Variants in STRBP observed in about 807,000 individuals in gnomAD.
STRBP encodes spermatid perinuclear RNA binding protein.
A neutral mutation model predicts 80.1 loss-of-function variants in STRBP; 13 were observed. The observed-to-expected ratio is 0.16, with a 90% CI of 0.11 to 0.26. The LOEUF is 0.26. Ranked by LOEUF, STRBP falls within the 10% of genes least tolerant of loss-of-function variation. STRBP has a pLI of 1.00. For missense variants in STRBP, 485 were observed against 815.2 expected (o/e 0.59, Z 4.93); for synonymous variants, 284 against 291.2 (o/e 0.98, Z 0.25).
chr9:123,237,687 G>A (rs912032494), intron 1 of STRBP, among the ~76,000 whole-genome samples: 2 of 151,962 alleles, frequency 1.3e-5, no homozygotes, highest in South Asian at 2.1e-4. Context: ...ACTACTGTGC[G>A]CTGAATTCTG....
At chr9:123,266,244 C>T (rs556967982) in intron 1 of STRBP, among the ~76,000 whole-genome samples, 7 of 152,268 alleles carry the variant, frequency 4.6e-5, no homozygotes, top group Admixed American at 1.3e-4. Flanking sequence ...ATGATACCCA[C>T]TACACACCTC....
At chr9:123,263,926 T>C (rs1306593247) in intron 1 of STRBP, among the ~76,000 whole-genome samples, 1 of 152,250 alleles carries the variant, frequency 6.6e-6, no homozygotes, top group African/African-American at 2.4e-5. Flanking sequence ...ACGCCTGTAA[T>C]CCCAGCACTT....
intron 2 of STRBP, among the ~76,000 whole-genome samples, chr9:123,219,406 T>C (rs535609599): frequency 2.0e-5 from 3 of 152,316 alleles, no homozygotes; most frequent in African/African-American, 7.2e-5. Context: ...CAGCCAATTG[T>C]AAAATTCTCT....
In STRBP at chr9:123,123,786, A is replaced by G; in HGVS notation, c.*1811T>C. On this transcript the variant is annotated 3_prime_UTR_variant, in exon 19 of 19. Coordinates refer to ENST00000348403, the MANE Select transcript of STRBP (RefSeq NM_018387.5). ...CCAAAGACAATGAGGACTACTGTAA[A>G]GATTTAATTAATAAAAACTGGACAC... 2.0e-6 allele frequency: 2 copies of G among 985,442 alleles called. No individual in the cohort carries two copies. The highest frequency in any genetic ancestry group is 2.4e-6 in the Non-Finnish European group (2 of 829,936). The allele number at this position is 985,442 out of a possible 1,614,324, so 61.0% of individuals were successfully genotyped here.
intron 2 of STRBP, among the ~76,000 whole-genome samples, chr9:123,186,234 G>A (rs996227455): frequency 6.6e-6 from 1 of 152,126 alleles, no homozygotes; most frequent in African/African-American, 2.4e-5. Flanking sequence ...TGTAGTCCCA[G>A]CTGCTCAGGA....
intron 2 of STRBP, among the ~76,000 whole-genome samples, chr9:123,196,999 G>A (rs1241882569): frequency 3.3e-5 from 5 of 152,178 alleles, no homozygotes; most frequent in Non-Finnish European, 7.4e-5. Flanking sequence ...TGTCCGTGAA[G>A]AGACGAATGA....
chr9:123,143,042 G>T (rs117616967), intron 13 of STRBP, among the ~76,000 whole-genome samples: 1 of 152,078 alleles, frequency 6.6e-6, no homozygotes, highest in African/African-American at 2.4e-5. Context: ...AATACTAGGG[G>T]CCAAGAATGA....
At chr9:123,235,422 T>C (rs1193742880) in intron 2 of STRBP, among the ~76,000 whole-genome samples, 1 of 150,610 alleles carries the variant, frequency 6.6e-6, no homozygotes, top group Non-Finnish European at 1.5e-5. Flanking sequence ...TCACTGAATT[T>C]ATGATACAAC....
chr9:123,138,638 G>T (rs905373073), intron 14 of STRBP, among the ~76,000 whole-genome samples: 15 of 152,270 alleles, frequency 9.9e-5, no homozygotes, highest in Non-Finnish European at 1.6e-4. Context: ...CCTCCTTCAA[G>T]ATTTGACATT....
intron 1 of STRBP, among the ~76,000 whole-genome samples, chr9:123,242,574 C>T (rs531098179): frequency 3.3e-5 from 5 of 152,234 alleles, no homozygotes; most frequent in African/African-American, 4.8e-5. Flanking sequence ...GCAGGAGAAT[C>T]GCTTGAACCC....
chr9:123,203,955 G>C (rs1296793092), intron 2 of STRBP, among the ~76,000 whole-genome samples: 8 of 151,520 alleles, frequency 5.3e-5, no homozygotes, highest in Admixed American at 3.3e-4. Flanking sequence ...CTGGGCAACA[G>C]AGCAAGACTC....
At chr9:123,142,669 T>C (rs1032602769) in intron 13 of STRBP, among the ~76,000 whole-genome samples, 2 of 152,208 alleles carry the variant, frequency 1.3e-5, no homozygotes, top group South Asian at 2.1e-4. Context: ...CTTGTCCATG[T>C]TGAAGTCAGA....
intron 2 of STRBP, among the ~76,000 whole-genome samples, chr9:123,201,826 A>C (rs1051661558): frequency 2.6e-5 from 4 of 152,178 alleles, no homozygotes; most frequent in African/African-American, 9.7e-5. Context: ...AGATCTGTCT[A>C]GTGCTGTCAG....
intron 5 of STRBP, among the ~76,000 whole-genome samples, chr9:123,171,601 C>T (rs897011855): frequency 2.0e-5 from 3 of 152,104 alleles, no homozygotes; most frequent in Admixed American, 1.3e-4. Context: ...CATGTGTGTA[C>T]ATGTATACAT....
chr9:123,215,399 C>T (rs955796492), intron 2 of STRBP, among the ~76,000 whole-genome samples: 7 of 152,234 alleles, frequency 4.6e-5, no homozygotes, highest in African/African-American at 1.7e-4. Flanking sequence ...ATTACAGCCA[C>T]TCTGATCTTA....
intron 1 of STRBP, among the ~76,000 whole-genome samples, chr9:123,238,821 T>C (rs1302488035): frequency 5.3e-5 from 8 of 152,040 alleles, no homozygotes; most frequent in Non-Finnish European, 1.0e-4. Context: ...AGAATTAAAC[T>C]TAAGTATATA....
intron 3 of STRBP, chr9:123,114,696 C>G (rs2035617542): frequency 1.1e-5 from 2 of 182,368 alleles, no homozygotes; most frequent in Admixed American, 6.0e-5. Flanking sequence ...CTGTCAGTAT[C>G]TTCCTCCATT....
chr9:123,236,533 A>G (rs1194975158), intron 2 of STRBP, among the ~76,000 whole-genome samples: 2 of 152,204 alleles, frequency 1.3e-5, no homozygotes, highest in African/African-American at 2.4e-5. Context: ...CAAATTATCA[A>G]TAATTCTCAT....
intron 4 of STRBP, among the ~76,000 whole-genome samples, chr9:123,175,821 G>A (rs1020418354): frequency 6.6e-6 from 1 of 152,114 alleles, no homozygotes; most frequent in Admixed American, 6.5e-5. Flanking sequence ...CATCTCCAAA[G>A]TACTGTATAC....
Sources: allele counts gnomAD v4.1 joint callset (sites outside exome capture counted in the v4.1 genomes callset), GRCh38; gene constraint gnomAD v4.1.1; transcripts MANE v1.5; gene names NCBI Gene and HGNC (gene_info 2026-07-23, HGNC 2026-07-21).